The following SNTG2 variants were observed in gnomAD, a reference collection of about 807,000 sequenced individuals.
SNTG2 encodes the protein syntrophin gamma 2, also known as gamma-2-syntrophin.
A neutral mutation model predicts 70.9 loss-of-function variants in SNTG2; 74 were observed. That is an observed-to-expected ratio of 1.04 (90% confidence interval 0.86 to 1.27). The LOEUF (loss-of-function observed/expected upper bound fraction) is 1.27, where lower values mean the gene tolerates loss of function less well. Ranked by LOEUF, SNTG2 falls within the 50% of genes most tolerant of loss-of-function variation. SNTG2 has a pLI of 0.00. For synonymous variants in SNTG2, 278 were observed against 273.8 expected (o/e 1.02, Z -0.15); for missense variants, 717 against 690.7 (o/e 1.04, Z -0.43).
At chr2:968,222 C>T (rs577274513) in intron 1 of SNTG2, among the ~76,000 whole-genome samples, 2 of 152,090 alleles carry the variant, frequency 1.3e-5, no homozygotes, top group South Asian at 4.1e-4. Context: ...TTGATAGTGT[C>T]TGTCTTTCAG....
chr2:962,386 G>A (rs11895897), intron 1 of SNTG2, among the ~76,000 whole-genome samples: 6 of 151,896 alleles, frequency 4.0e-5, no homozygotes, highest in Admixed American at 1.3e-4. Flanking sequence ...GATAAGTTTC[G>A]TACCATACAA....
intron 14 of SNTG2, among the ~76,000 whole-genome samples, chr2:1,296,107 G>A (rs1308064817): frequency 6.6e-6 from 1 of 152,170 alleles, no homozygotes; most frequent in African/African-American, 2.4e-5. Context: ...AGAAGGCTGA[G>A]TCTCCTGTGT....
intron 4 of SNTG2, among the ~76,000 whole-genome samples, chr2:1,112,074 C>T (rs183610176): frequency 1.3e-5 from 2 of 151,332 alleles, no homozygotes; most frequent in East Asian, 1.9e-4. Flanking sequence ...TGAGGAGGAT[C>T]GTGTGTACTA....
At chr2:1,234,655 G>A (rs1037037362) in intron 9 of SNTG2, among the ~76,000 whole-genome samples, 2 of 152,158 alleles carry the variant, frequency 1.3e-5, no homozygotes, top group East Asian at 1.9e-4. Flanking sequence ...GGACACAGCC[G>A]TCTGCCCCTC....
At chr2:1,323,121 G>A (rs1437310752) in intron 16 of SNTG2, among the ~76,000 whole-genome samples, 1 of 152,192 alleles carries the variant, frequency 6.6e-6, no homozygotes, top group African/African-American at 2.4e-5. Flanking sequence ...TTAGCTCCAG[G>A]CATCTGCCTC....
At chr2:1,283,928 G>A (rs1679662295) in intron 14 of SNTG2, among the ~76,000 whole-genome samples, 1 of 152,124 alleles carries the variant, frequency 6.6e-6, no homozygotes, top group Admixed American at 6.5e-5. Context: ...TAGAACATTG[G>A]TGCTGCACTG....
At chr2:1,181,922 C>A (rs530770220) in intron 8 of SNTG2, among the ~76,000 whole-genome samples, 29 of 152,284 alleles carry the variant, frequency 1.9e-4, no homozygotes, top group Admixed American at 3.9e-4. Flanking sequence ...AAAAATCCCA[C>A]TCACATTAAT....
At chr2:1,193,169 G>A (rs1672703689) in intron 8 of SNTG2, among the ~76,000 whole-genome samples, 2 of 152,296 alleles carry the variant, frequency 1.3e-5, no homozygotes, top group East Asian at 1.9e-4. Flanking sequence ...CCCAAATTCA[G>A]AACTCTTTGT....
intron 1 of SNTG2, among the ~76,000 whole-genome samples, chr2:953,724 G>A (rs1660054685): frequency 6.6e-6 from 1 of 152,224 alleles, no homozygotes; most frequent in African/African-American, 2.4e-5. Context: ...ATGTTCCCCA[G>A]TAAATATTTG....
At chr2:1,224,113 G>T (rs1253376834) in intron 9 of SNTG2, among the ~76,000 whole-genome samples, 1 of 152,130 alleles carries the variant, frequency 6.6e-6, no homozygotes, top group Non-Finnish European at 1.5e-5. Context: ...TTCTGTAAGG[G>T]CACAGACCCC....
chr2:1,193,707 G>A (rs193004220), intron 8 of SNTG2, among the ~76,000 whole-genome samples: 4 of 152,226 alleles, frequency 2.6e-5, no homozygotes, highest in East Asian at 3.9e-4. Flanking sequence ...TTAGACTCTC[G>A]CCTGACAGCA....
chr2:1,259,129 G>A (rs1325368924), intron 12 of SNTG2, among the ~76,000 whole-genome samples: 1 of 152,162 alleles, frequency 6.6e-6, no homozygotes, highest in Non-Finnish European at 1.5e-5. Context: ...AGATAAAGGA[G>A]ATAGACGTTT....
At chr2:1,340,017 A>AG (rs1660004648) in intron 16 of SNTG2, among the ~76,000 whole-genome samples, 1 of 152,224 alleles carries the variant, frequency 6.6e-6, no homozygotes, top group Non-Finnish European at 1.5e-5. Flanking sequence ...GTGCTCCCAG[A>AG]GGGGTGGAAG....
intron 13 of SNTG2, among the ~76,000 whole-genome samples, chr2:1,265,565 C>A (rs1678682968): frequency 6.6e-6 from 1 of 152,226 alleles, no homozygotes; most frequent in Non-Finnish European, 1.5e-5. Context: ...CAGGGCATCC[C>A]CCCGGAGAGT....
At chr2:1,154,795 A>G (rs1448981761) in intron 6 of SNTG2, among the ~76,000 whole-genome samples, 2 of 151,962 alleles carry the variant, frequency 1.3e-5, no homozygotes, top group Non-Finnish European at 2.9e-5. Context: ...TTCTACCTCC[A>G]ACACATACAT....
intron 4 of SNTG2, among the ~76,000 whole-genome samples, chr2:1,118,930 C>G (rs1459731552): frequency 6.6e-6 from 1 of 152,090 alleles, no homozygotes; most frequent in African/African-American, 2.4e-5. Context: ...GCTCAAAGAT[C>G]ACCAAACATA....
At position 1,082,044 on chromosome 2, in the gene SNTG2, G is replaced by A. The variant is rs536723508; in HGVS notation, c.73-1474G>A. On this transcript the variant is annotated intron_variant, in intron 1 of 16. Coordinates refer to ENST00000308624, the MANE Select transcript of SNTG2 (RefSeq NM_018968.4). ...AGAGGAAACCACTTGGAACCCTCCT[G>A]AAACTCTCCTGTGCGTGGGGATCAG... is the stretch of plus-strand genomic sequence containing the variant. Among the ~76,000 whole-genome samples, 3 of 152,268 alleles carry A rather than the reference G, an allele frequency of 2.0e-5. No individual in the cohort carries two copies. In the South Asian group the frequency reaches 6.2e-4, roughly 32 times the overall value.
intron 6 of SNTG2, chr2:1,158,415 G>A (rs933018374): frequency 1.3e-5 from 2 of 152,242 alleles, no homozygotes; most frequent in Non-Finnish European, 1.5e-5. Context: ...CATTTCTGGT[G>A]GGGGAGGAGA....
intron 8 of SNTG2, among the ~76,000 whole-genome samples, chr2:1,205,249 A>C (rs1673559983): frequency 6.6e-6 from 1 of 152,190 alleles, no homozygotes; most frequent in African/African-American, 2.4e-5. Flanking sequence ...TAAGTGGTTG[A>C]AATATTTGGA....
Sources: allele counts gnomAD v4.1 joint callset (sites outside exome capture counted in the v4.1 genomes callset), GRCh38; gene constraint gnomAD v4.1.1; transcripts MANE v1.5; gene names NCBI Gene and HGNC (gene_info 2026-07-23, HGNC 2026-07-21).